ZFP2: variants seen among roughly 807,000 people sequenced by gnomAD.
ZFP2 encodes the protein zinc finger protein ZFP2.
ZFP2 carries 33 observed loss-of-function variants against 36.1 expected under a neutral mutation model. The observed-to-expected ratio is 0.92, with a 90% CI of 0.69 to 1.22. The LOEUF is 1.22. Ranked by LOEUF, ZFP2 falls within the 50% of genes most tolerant of loss-of-function variation. The probability of loss-of-function intolerance (pLI) is 0.00; values close to 1 mark genes in which losing one functional copy is unlikely to be tolerated. For synonymous variants in ZFP2, 170 were observed against 178.0 expected (o/e 0.96, Z 0.36); for missense variants, 522 against 551.4 (o/e 0.95, Z 0.53).
chr5:178,908,446 C>CAA lies in ZFP2; in HGVS notation c.-449-4125_-449-4124dup, dbSNP rs775156998. ...TGGGTGACAGAGGAAGACTCCATCTCAAAAAAAAAAAAAATTATTACAACC... is the reference window on the plus strand; with the variant it reads ...TGGGTGACAGAGGAAGACTCCATCTCAAAAAAAAAAAAAAAATTATTACAACC... On this transcript the variant is annotated intron_variant, in intron 1 of 4. Transcript: ENST00000361362. 5.1e-3 allele frequency among the ~76,000 whole-genome samples: 701 copies of CAA among 136,146 alleles called. 6 individuals carry two copies. Among genetic ancestry groups the CAA allele is most frequent in the African/African-American group, 0.017 (619 of 36,852 alleles). The allele number at this position is 136,146 out of a possible 152,430, so 89.3% of individuals were successfully genotyped here.
intron 4 of ZFP2, chr5:178,922,743 C>G (rs550710647): frequency 6.4e-7 from 1 of 1,551,558 alleles, no homozygotes; most frequent in African/African-American, 1.3e-5. Flanking sequence ...GGAGATATTT[C>G]TTTGTGCAGA....
chr5:178,902,267 G>C (rs892286401), intron 1 of ZFP2, among the ~76,000 whole-genome samples: 2 of 152,154 alleles, frequency 1.3e-5, no homozygotes, highest in Non-Finnish European at 1.5e-5. Flanking sequence ...TTACAGACAT[G>C]CCCATTTCAC....
chr5:178,903,539 A>T (rs770985838), intron 1 of ZFP2, among the ~76,000 whole-genome samples: 1 of 152,204 alleles, frequency 6.6e-6, no homozygotes, highest in African/African-American at 2.4e-5. Context: ...TATAAAGTGG[A>T]TAGTATTCCT....
intron 4 of ZFP2, among the ~76,000 whole-genome samples, chr5:178,920,585 C>T (rs1024863959): frequency 1.3e-5 from 2 of 151,086 alleles, no homozygotes; most frequent in African/African-American, 2.4e-5. Context: ...TGCAGTGAGT[C>T]GAGATCGCGC....
intron 1 of ZFP2, among the ~76,000 whole-genome samples, chr5:178,908,829 G>T (rs1173365410): frequency 6.6e-6 from 1 of 151,408 alleles, no homozygotes; most frequent in African/African-American, 2.4e-5. Context: ...AGCAGAGAAA[G>T]CTATGTTGGG....
At chr5:178,930,007 TGGCAAG>T (rs1314594794) in intron 4 of ZFP2, among the ~76,000 whole-genome samples, 2 of 150,490 alleles carry the variant, frequency 1.3e-5, no homozygotes, top group African/African-American at 4.9e-5. Flanking sequence ...GCACATCAAA[TGGCAAG>T]AGCAAGAGTG....
chr5:178,901,313 G>A (rs1312405292), intron 1 of ZFP2, among the ~76,000 whole-genome samples: 4 of 152,174 alleles, frequency 2.6e-5, no homozygotes, highest in African/African-American at 9.7e-5. Context: ...TCCATACTTG[G>A]TGTATCCATT....
chr5:178,908,259 T>C (rs559287548), intron 1 of ZFP2, among the ~76,000 whole-genome samples: 13 of 152,096 alleles, frequency 8.5e-5, no homozygotes, highest in South Asian at 6.2e-4. Flanking sequence ...CAATCCTGGC[T>C]AACATGGTGA....
chr5:178,920,916 T>C (rs1758547651), intron 4 of ZFP2, among the ~76,000 whole-genome samples: 1 of 152,238 alleles, frequency 6.6e-6, no homozygotes, highest in Non-Finnish European at 1.5e-5. Flanking sequence ...TAGAATATTA[T>C]GTTATAAAAC....
intron 1 of ZFP2, among the ~76,000 whole-genome samples, chr5:178,904,543 TGA>T (rs1445830373): frequency 6.6e-6 from 1 of 151,374 alleles, no homozygotes; most frequent in Admixed American, 6.6e-5. Flanking sequence ...GAAATATATA[TGA>T]GAGTTTATAT....
At chr5:178,930,069 A>G (rs1363623383) in intron 4 of ZFP2, among the ~76,000 whole-genome samples, 1 of 151,608 alleles carries the variant, frequency 6.6e-6, no homozygotes, top group African/African-American at 2.4e-5. Context: ...TCTCACAAGA[A>G]CTCACTCATG....
chr5:178,910,118 G>T, intron 1 of ZFP2: 2 of 1,468,660 alleles, frequency 1.4e-6, no homozygotes, highest in Non-Finnish European at 1.9e-6. Context: ...CTGTTAAGAG[G>T]CTGGAGAACC....
At position 178,932,042 on chromosome 5, in the gene ZFP2, A is replaced by G. The variant is rs758567825; in HGVS notation, c.729A>G (p.Glu243=). The G allele has an allele frequency of 6.2e-7, 1 of 1,613,986 alleles. No individual in the cohort carries two copies. The highest frequency in any genetic ancestry group is 8.5e-7 in the Non-Finnish European group (1 of 1,179,984). ...QRTHTGEKPY[E]CNECGKAFSQ... is the part of the protein sequence containing the mutation. ...CTCATACAGGAGAAAAACCCTATGA[A>G]TGTAATGAATGTGGAAAAGCCTTCA... Residue 243 remains glutamate, a synonymous_variant, in exon 5 of 5, where the codon GAA becomes GAG. Transcript: ENST00000361362.
intron 4 of ZFP2, among the ~76,000 whole-genome samples, chr5:178,926,747 T>C (rs930744215): frequency 3.3e-5 from 5 of 152,068 alleles, no homozygotes; most frequent in Admixed American, 2.0e-4. Context: ...CTAGATCTCC[T>C]GACCTGGTGA....
intron 4 of ZFP2, among the ~76,000 whole-genome samples, chr5:178,921,855 C>T (rs551158157): frequency 2.7e-5 from 4 of 149,318 alleles, no homozygotes; most frequent in Admixed American, 6.7e-5. Flanking sequence ...GCTTTCTGTT[C>T]GGGTTTATCA....
intron 4 of ZFP2, among the ~76,000 whole-genome samples, chr5:178,919,239 C>T (rs1758500139): frequency 6.6e-6 from 1 of 152,178 alleles, no homozygotes; most frequent in Non-Finnish European, 1.5e-5. Context: ...ATCATATGAC[C>T]TATGACCTAT....
chr5:178,899,656 TTTCCTAG>T, intron 1 of ZFP2, among the ~76,000 whole-genome samples: 1 of 152,254 alleles, frequency 6.6e-6, no homozygotes, highest in African/African-American at 2.4e-5. Context: ...CAATCAAAAC[TTTCCTAG>T]GAAAAAGTAG....
intron 1 of ZFP2, chr5:178,909,610 A>G: frequency 8.1e-7 from 1 of 1,228,958 alleles, no homozygotes; most frequent in Non-Finnish European, 1.1e-6. Flanking sequence ...TGAAGTAGAA[A>G]CTATCCTGAT....
rs1240909974 is a variant in ZFP2 at position 178,927,906 on chromosome 5, G to A, written c.-77-3331G>A. 2.0e-5 allele frequency among the ~76,000 whole-genome samples: 3 copies of A among 151,522 alleles called. No individual in the cohort carries two copies. The East Asian group carries it at 5.9e-4, about 30-fold the overall frequency. ...TACAGGCTGTACGGGAAGCATTAGTGCCAGCATCTGCTTGTAGGGAAGCCT... is the reference window on the plus strand; with the variant it reads ...TACAGGCTGTACGGGAAGCATTAGTACCAGCATCTGCTTGTAGGGAAGCCT... On this transcript the variant is annotated intron_variant, in intron 4 of 4. Coordinates refer to ENST00000361362, the MANE Select transcript of ZFP2 (RefSeq NM_030613.4).
Sources: gnomAD v4.1 joint callset for allele counts (sites outside exome capture counted in the v4.1 genomes callset) on GRCh38, gnomAD v4.1.1 for gene constraint, MANE v1.5 for transcripts, NCBI Gene and HGNC (gene_info 2026-07-23, HGNC 2026-07-21) for gene names.